ERP29: variants seen among roughly 807,000 people sequenced by gnomAD.
ERP29 encodes endoplasmic reticulum resident protein 29.
In ERP29, 14 loss-of-function variants were observed where a neutral mutation model predicts 21.7. The ratio of observed to expected loss-of-function variants is 0.64; its 90% confidence interval spans 0.43 to 1.01. ERP29 has a LOEUF of 1.01. Among genes scored for constraint, ERP29 ranks in the 50% least tolerant of loss-of-function variants. The pLI is 0.00. For synonymous variants in ERP29, 129 were observed against 139.1 expected, an observed-to-expected ratio of 0.93 and a Z score of 0.51; for missense variants, 286 against 327.3, an observed-to-expected ratio of 0.87 and a Z score of 0.97.
rs148575440 is a variant in ERP29 at position 112,021,319 on chromosome 12, C to T, written c.284-831C>T. Among the ~76,000 whole-genome samples the T allele has an allele frequency of 5.3e-5, 8 of 152,244 alleles. No homozygotes were observed. The South Asian group carries it at 8.3e-4, about 16-fold the overall frequency. On this transcript the variant is annotated intron_variant, in intron 2 of 2. Coordinates refer to ENST00000261735, the MANE Select transcript of ERP29 (RefSeq NM_006817.4). ...CTGAGACACTCTTCCCAAATCTTCA[C>T]GTAGCTTGCTCCAGGACATTCAGGT...
At chr12:112,014,706 C>T (rs985036242) in intron 1 of ERP29, 3 of 152,290 alleles carry the variant, frequency 2.0e-5, no homozygotes, top group Non-Finnish European at 4.4e-5. Context: ...CTTTTAACTT[C>T]CTCTAGGAGA....
At position 112,019,813 on chromosome 12, in the gene ERP29, GAGA is replaced by G. The variant is rs772729391; in HGVS notation, c.205_207del (p.Lys69del). 200 of 1,613,978 alleles carry G rather than the reference GAGA, an allele frequency of 1.2e-4. No homozygotes were observed. The highest frequency in any genetic ancestry group is 1.6e-4 in the Non-Finnish European group (193 of 1,180,010). On this transcript the variant is annotated inframe_deletion, in exon 2 of 3. Transcript: ENST00000261735. ...GTTCGACACCCAGTACCCCTACGGT[GAGA>G]AGCAGGATGAGTTCAAGCGTCTTGC...
In ERP29 at chr12:112,022,320, CTA is replaced by C; in HGVS notation, c.455_456del (p.Leu152ArgfsTer35). 1 of 1,613,634 alleles carries C rather than the reference CTA, an allele frequency of 6.2e-7. No homozygotes were observed. Among genetic ancestry groups the C allele is most frequent in the Middle Eastern group, 1.7e-4 (1 of 6,060 alleles). On this transcript the variant is annotated frameshift_variant, in exon 3 of 3. Transcript: ENST00000261735. LOFTEE classifies it high-confidence loss of function. ...CTGGCTGAAGGGGCAAGGGGTCTAC[CTA>C]GGTATGCCTGGTTGCCTGCCTGTAT... ...QRWLKGQGVY[L>X]GMPGCLPVYD...
At position 112,022,927 on chromosome 12, in the gene ERP29, T is replaced by C. The variant is rs937204732; in HGVS notation, c.*275T>C. ...CTATAGAGAGGAGAGAGGAGTGTAC[T>C]GCCCAGGTCTTTGACAGATGTAATT... On this transcript the variant is annotated 3_prime_UTR_variant, in exon 3 of 3. Transcript: ENST00000261735. The C allele has an allele frequency of 1.1e-4, 39 of 364,836 alleles. No homozygotes were observed. The East Asian group carries it at 1.7e-3, about 16-fold the overall frequency. The allele number at this position is 364,836 out of a possible 1,614,324, so 22.6% of individuals were successfully genotyped here. A position where few individuals can be genotyped will look rare whatever the true frequency, so the allele number is the denominator to read the frequency against.
intron 2 of ERP29, among the ~76,000 whole-genome samples, chr12:112,020,300 C>T (rs1481662836): frequency 6.6e-6 from 1 of 152,140 alleles, no homozygotes; most frequent in Non-Finnish European, 1.5e-5. Context: ...TTGGTGTTAG[C>T]TCAAATGCAC....
At chr12:112,021,513 G>GTTTT (rs1565989409) in intron 2 of ERP29, among the ~76,000 whole-genome samples, 3 of 100,640 alleles carry the variant, frequency 3.0e-5, no homozygotes, top group African/African-American at 1.7e-4. Flanking sequence ...GAGCTTAATA[G>GTTTT]TCTTTTTTTT....
At position 112,021,494 on chromosome 12, in the gene ERP29, G is replaced by A. The variant is rs1443596706; in HGVS notation, c.284-656G>A. On this transcript the variant is annotated intron_variant, in intron 2 of 2. Coordinates refer to ENST00000261735, the MANE Select transcript of ERP29 (RefSeq NM_006817.4). ...TTTGTTATGTCTCTTCTCTCCCTTA[G>A]AAGAATATGAGCTTAATAGTCTTTT... Among the ~76,000 whole-genome samples, 4 of 141,788 alleles carry A rather than the reference G, an allele frequency of 2.8e-5. No homozygotes were observed. The East Asian group carries it at 9.4e-4, about 33-fold the overall frequency. The allele number at this position is 141,788 out of a possible 152,430, so 93.0% of individuals were successfully genotyped here.
intron 1 of ERP29, among the ~76,000 whole-genome samples, chr12:112,017,279 A>C (rs144618115): frequency 9.8e-4 from 149 of 152,304 alleles, no homozygotes; most frequent in African/African-American, 3.4e-3. Context: ...TCATAAATGT[A>C]TTCTAGTGGA....
intron 2 of ERP29, among the ~76,000 whole-genome samples, chr12:112,021,039 T>A (rs988818178): frequency 4.6e-5 from 7 of 152,236 alleles, no homozygotes; most frequent in African/African-American, 1.7e-4. Context: ...TCCTTGGGGC[T>A]GCTACTGCTC....
chr12:112,021,750 ACTC>A (rs375628100), intron 2 of ERP29, among the ~76,000 whole-genome samples: 124 of 147,070 alleles, frequency 8.4e-4, no homozygotes, highest in African/African-American at 3.0e-3. Context: ...CTGGTCTTGA[ACTC>A]CTGACCTCGT....
chr12:112,015,319 C>G (rs887956772), intron 1 of ERP29: 2 of 151,376 alleles, frequency 1.3e-5, no homozygotes, highest in African/African-American at 2.4e-5. Context: ...GAAACCCTGT[C>G]TCTACTAAAA....
Position 112,022,572 on chromosome 12 carries a change from G to A in ERP29, c.706G>A (p.Gly236Arg), listed in dbSNP as rs377230317. The A allele has an allele frequency of 9.3e-6, 15 of 1,614,148 alleles. No individual in the cohort carries two copies. Among genetic ancestry groups the A allele is most frequent in the African/African-American group, 6.7e-5 (5 of 75,022 alleles). Residue 236 changes from glycine (G) to arginine (R), a missense_variant, in exon 3 of 3, where the codon GGG becomes AGG. Coordinates refer to ENST00000261735, the MANE Select transcript of ERP29 (RefSeq NM_006817.4). ...GATTGAGAAGAACAAGATGAGTGAC[G>A]GGAAGAAGGAGGAGCTCCAGAAGAG... Reference protein sequence around the residue: ...RLIEKNKMSDGKKEELQKSLN... With the variant: ...RLIEKNKMSDRKKEELQKSLN...
chr12:112,014,256 C>G (rs546055010), intron 1 of ERP29, among the ~76,000 whole-genome samples: 4 of 152,368 alleles, frequency 2.6e-5, no homozygotes, highest in African/African-American at 9.6e-5. Flanking sequence ...CGAGCTAGCA[C>G]TACAGCCTGA....
chr12:112,017,039 C>A (rs1488199963), intron 1 of ERP29, among the ~76,000 whole-genome samples: 1 of 149,032 alleles, frequency 6.7e-6, no homozygotes, highest in Non-Finnish European at 1.5e-5. Context: ...TAATGTTAGA[C>A]CACTGTATAA....
chr12:112,018,300 C>A (rs1457278218), intron 1 of ERP29, among the ~76,000 whole-genome samples: 1 of 151,884 alleles, frequency 6.6e-6, no homozygotes, highest in Non-Finnish European at 1.5e-5. Context: ...CAGGTGTGTG[C>A]CACCATGACT....
rs1157844138 is a variant in ERP29 at position 112,022,533 on chromosome 12, C to T, written c.667C>T (p.Arg223Trp). Residue 223 changes from arginine (R) to tryptophan (W), a missense_variant, in exon 3 of 3, where the codon CGG (arginine) becomes TGG (tryptophan). Coordinates refer to ENST00000261735, the MANE Select transcript of ERP29 (RefSeq NM_006817.4). Reference protein sequence around the residue: ...GEDFPASEMTRIARLIEKNKM... With the variant: ...GEDFPASEMTWIARLIEKNKM... ...GGACTTCCCAGCATCAGAGATGACA[C>T]GGATCGCCAGGCTGATTGAGAAGAA... is the stretch of plus-strand genomic sequence containing the variant. 7 of 1,614,122 alleles carry T rather than the reference C, an allele frequency of 4.3e-6. No homozygotes were observed. The highest frequency in any genetic ancestry group is 1.1e-5 in the South Asian group (1 of 91,070).
At chr12:112,015,944 C>T (rs1213423486) in intron 1 of ERP29, among the ~76,000 whole-genome samples, 1 of 152,234 alleles carries the variant, frequency 6.6e-6, no homozygotes. Flanking sequence ...AGTTACTTCT[C>T]ATCATTCGGG....
chr12:112,020,296 T>G (rs929606201), intron 2 of ERP29, among the ~76,000 whole-genome samples: 6 of 152,144 alleles, frequency 3.9e-5, no homozygotes, highest in Non-Finnish European at 8.8e-5. Context: ...GGTTTTGGTG[T>G]TAGCTCAAAT....
rs1369174921 is a variant in ERP29 at position 112,022,974 on chromosome 12, T to C, written c.*322T>C. ...AATTCTCATTCAATTAAAGTTTCAG[T>C]GTTTTGGTTAAGTGGACCTGAAGCC... On this transcript the variant is annotated 3_prime_UTR_variant, in exon 3 of 3. Coordinates refer to ENST00000261735, the MANE Select transcript of ERP29 (RefSeq NM_006817.4). The C allele has an allele frequency of 4.1e-6, 1 of 242,678 alleles. No individual in the cohort carries two copies. The highest frequency in any genetic ancestry group is 7.9e-6 in the Non-Finnish European group (1 of 126,212). 15.0% of individuals were successfully genotyped at this position (242,678 alleles called of 1,614,324 possible). A position where few individuals can be genotyped will look rare whatever the true frequency, so the allele number is the denominator to read the frequency against.
Sources: gnomAD v4.1 joint callset for allele counts (sites outside exome capture counted in the v4.1 genomes callset) on GRCh38, gnomAD v4.1.1 for gene constraint, MANE v1.5 for transcripts, NCBI Gene and HGNC (gene_info 2026-07-23, HGNC 2026-07-21) for gene names.